Variants in DNAAF6 observed in about 807,000 individuals in gnomAD.
DNAAF6 encodes the protein PIH1 domain containing 3.
A neutral mutation model predicts 13.7 loss-of-function variants in DNAAF6; 3 were observed. That is an observed-to-expected ratio of 0.22 (90% CI 0.10 to 0.56). DNAAF6 has a LOEUF of 0.56. DNAAF6 is among the 20% of genes least tolerant of loss of function. DNAAF6 has a pLI of 0.92. For missense variants in DNAAF6, 130 were observed against 151.0 expected (o/e 0.86, Z 0.73); for synonymous variants, 54 against 49.2 (o/e 1.10, Z -0.41).
intron 3 of DNAAF6, among the ~76,000 whole-genome samples, 198 bp from the exon 4 acceptor site, chrX:107,218,666 T>C (rs1928050608): frequency 9.0e-6 from 1 of 111,347 alleles, no homozygotes; most frequent in South Asian, 3.7e-4. Context: ...ATTAAAATTC[T>C]ACAATGTATT....
intron 5 of DNAAF6, among the ~76,000 whole-genome samples, chrX:107,237,470 A>AG (rs1928539548): frequency 8.9e-6 from 1 of 112,533 alleles, no homozygotes; most frequent in Admixed American, 9.5e-5. Context: ...TGTAGAGAGT[A>AG]AGAGATAGAC....
chrX:107,240,137 C>T (rs1211897983), intron 6 of DNAAF6, among the ~76,000 whole-genome samples: 1 of 111,740 alleles, frequency 8.9e-6, no homozygotes, highest in African/African-American at 3.2e-5. Context: ...TTGATGGAGA[C>T]AGCAGAAATA....
intron 3 of DNAAF6, among the ~76,000 whole-genome samples, chrX:107,217,199 T>G (rs1233999855): frequency 1.8e-5 from 2 of 111,954 alleles, no homozygotes; most frequent in African/African-American, 6.5e-5. Flanking sequence ...CCTTGAATTA[T>G]CCACATTCCT....
intron 5 of DNAAF6, among the ~76,000 whole-genome samples, chrX:107,238,240 C>G (rs1759953713): frequency 9.0e-6 from 1 of 110,839 alleles, no homozygotes; most frequent in African/African-American, 3.3e-5. Flanking sequence ...ATGAATAGGG[C>G]TCCTATAAGC....
intron 5 of DNAAF6, among the ~76,000 whole-genome samples, chrX:107,234,902 T>C (rs1019327141): frequency 3.6e-5 from 4 of 111,889 alleles, no homozygotes; most frequent in Admixed American, 2.9e-4. Context: ...GAGAAGCCTG[T>C]TAATCACTTA....
At position 107,243,314 on chromosome X, in the gene DNAAF6, AT is replaced by A. The variant is rs773361243; in HGVS notation, c.*17del. On this transcript the variant is annotated 3_prime_UTR_variant, in exon 7 of 7. Transcript: ENST00000372453. ...TTTCTTCTGAAACTGCATGAAAAAGATAAAAAGTAGTAAAATGGCATTGGTA... is the reference window on the plus strand; with the variant it reads ...TTTCTTCTGAAACTGCATGAAAAAGAAAAAAGTAGTAAAATGGCATTGGTA... 40 of 1,186,711 alleles carry A rather than the reference AT, an allele frequency of 3.4e-5. No individual in the cohort carries two copies. Among genetic ancestry groups the A allele is most frequent in the Non-Finnish European group, 4.1e-5 (36 of 885,651 alleles).
intron 1 of DNAAF6, among the ~76,000 whole-genome samples, chrX:107,209,528 G>A (rs1179750458): frequency 9.0e-6 from 1 of 111,632 alleles, no homozygotes; most frequent in Non-Finnish European, 1.9e-5. Context: ...CCACCTCCCA[G>A]GTTAAGTGAT....
chrX:107,209,462 T>TTC (rs1206359589), intron 1 of DNAAF6, among the ~76,000 whole-genome samples: 1 of 111,130 alleles, frequency 9.0e-6, no homozygotes, highest in African/African-American at 3.3e-5. Context: ...GGAATTGAGT[T>TTC]TCTCTCTGTC....
chrX:107,233,581 G>A (rs943867651), intron 5 of DNAAF6, among the ~76,000 whole-genome samples: 2 of 110,301 alleles, frequency 1.8e-5, no homozygotes, highest in Non-Finnish European at 3.8e-5. Context: ...AGATCATGCC[G>A]TATTTTTCTT....
intron 5 of DNAAF6, among the ~76,000 whole-genome samples, chrX:107,226,992 A>G (rs183695659): frequency 4.5e-5 from 5 of 112,178 alleles, no homozygotes; most frequent in African/African-American, 1.6e-4. Flanking sequence ...AGTGCTATCA[A>G]TCATTTTGAG....
chrX:107,223,637 T>C (rs1046700065), intron 5 of DNAAF6, among the ~76,000 whole-genome samples: 6 of 111,806 alleles, frequency 5.4e-5, no homozygotes, highest in Non-Finnish European at 1.1e-4. Context: ...TTTCCTCCTT[T>C]CTTACAATAC....
chrX:107,243,497 C>G lies in DNAAF6; in HGVS notation c.*199C>G, dbSNP rs1477610171. On this transcript the variant is annotated 3_prime_UTR_variant, in exon 7 of 7. Coordinates refer to ENST00000372453, the MANE Select transcript of DNAAF6 (RefSeq NM_173494.2). Reference sequence around the variant, plus strand: ...GGAAATATGTTTCCTTGGCCAGGTGCAATGGCTCATGCCTGTAATCCCAAC... The same window carrying G: ...GGAAATATGTTTCCTTGGCCAGGTGGAATGGCTCATGCCTGTAATCCCAAC... 1 of 471,321 alleles carries G rather than the reference C, an allele frequency of 2.1e-6. No individual in the cohort carries two copies. The highest frequency in any genetic ancestry group is 3.1e-6 in the Non-Finnish European group (1 of 326,211). The allele number at this position is 471,321 out of a possible 1,213,427, so 38.8% of individuals were successfully genotyped here. A position where few individuals can be genotyped will look rare whatever the true frequency, so the allele number is the denominator to read the frequency against.
chrX:107,207,992 A>T (rs1927751221), intron 1 of DNAAF6, among the ~76,000 whole-genome samples: 1 of 111,537 alleles, frequency 9.0e-6, no homozygotes, highest in Admixed American at 9.5e-5. Flanking sequence ...ATAGAGGTGG[A>T]GTATGAGACT....
intron 4 of DNAAF6, among the ~76,000 whole-genome samples, chrX:107,219,194 AAT>A (rs762780053): frequency 4.5e-5 from 5 of 112,295 alleles, no homozygotes; most frequent in African/African-American, 1.6e-4. Flanking sequence ...AAAAATGAAA[AAT>A]ATAGTCATTT....
intron 2 of DNAAF6, among the ~76,000 whole-genome samples, chrX:107,215,571 C>T (rs1927959432): frequency 8.9e-6 from 1 of 111,955 alleles, no homozygotes; most frequent in African/African-American, 3.2e-5. Flanking sequence ...GTTACTGTCT[C>T]AGACACTGTT....
intron 5 of DNAAF6, among the ~76,000 whole-genome samples, chrX:107,224,883 G>T (rs185818108): frequency 1.8e-5 from 2 of 108,511 alleles, no homozygotes; most frequent in Admixed American, 2.0e-4. Flanking sequence ...AATATCTCAT[G>T]CACCCCATAA....
intron 2 of DNAAF6, among the ~76,000 whole-genome samples, chrX:107,216,410 G>T (rs907750832): frequency 8.9e-6 from 1 of 111,768 alleles, no homozygotes; most frequent in Non-Finnish European, 1.9e-5. Flanking sequence ...GATTCACTGA[G>T]CTGGAACTAG....
At chrX:107,215,521 G>A (rs983192995) in intron 2 of DNAAF6, among the ~76,000 whole-genome samples, 4 of 111,821 alleles carry the variant, frequency 3.6e-5, no homozygotes, top group Non-Finnish European at 7.5e-5. Flanking sequence ...TGCCTTAACC[G>A]CAGACATAGC....
intron 5 of DNAAF6, among the ~76,000 whole-genome samples, chrX:107,233,627 G>T (rs1306636817): frequency 9.1e-6 from 1 of 110,440 alleles, no homozygotes; most frequent in East Asian, 2.8e-4. Context: ...CATAATGGAG[G>T]ACATGAGTTT....
Sources: gnomAD v4.1 joint callset for allele counts (sites outside exome capture counted in the v4.1 genomes callset) on GRCh38, gnomAD v4.1.1 for gene constraint, MANE v1.5 for transcripts, NCBI Gene and HGNC (gene_info 2026-07-23, HGNC 2026-07-21) for gene names.